The following TERF2 variants were observed in gnomAD, a reference collection of about 807,000 sequenced individuals.
TERF2 encodes the protein telomeric repeat-binding factor 2.
In TERF2, 16 loss-of-function variants were observed where a neutral mutation model predicts 56.1. That is an observed-to-expected ratio of 0.29 (90% CI 0.19 to 0.43). The LOEUF is 0.43. Ranked by LOEUF, TERF2 falls within the 20% of genes least tolerant of loss-of-function variation. TERF2 has a pLI of 1.00. For missense variants in TERF2, 547 were observed against 712.9 expected (o/e 0.77, Z 2.65); for synonymous variants, 296 against 282.1 (o/e 1.05, Z -0.50).
chr16:69,372,063 T>G (rs1037500392), intron 4 of TERF2, among the ~76,000 whole-genome samples: 1 of 152,248 alleles, frequency 6.6e-6, no homozygotes. Context: ...GAATAATTTA[T>G]GTCAATTTCT....
At chr16:69,368,741 A>G in intron 5 of TERF2, 1 of 730,724 alleles carries the variant, frequency 1.4e-6, no homozygotes, top group Non-Finnish European at 2.1e-6. Context: ...CAGTGGTGCA[A>G]TCTCGGCTCA....
Position 69,385,989 on chromosome 16 carries a change from G to A in TERF2, c.-18C>T. ...GCGGCCATGATAGAAACAGCGTTCC[G>A]AGCCGCCCGCGGGCTTCTGGGAGGG... On this transcript the variant is annotated 5_prime_UTR_variant, in exon 1 of 10. Transcript: ENST00000254942. The A allele has an allele frequency of 7.6e-7, 1 of 1,313,368 alleles. No individual in the cohort carries two copies. The highest frequency in any genetic ancestry group is 3.1e-5 in the East Asian group (1 of 31,860). 81.4% of individuals were successfully genotyped at this position (1,313,368 alleles called of 1,614,324 possible). A position where few individuals can be genotyped will look rare whatever the true frequency, so the allele number is the denominator to read the frequency against.
At chr16:69,358,862 C>T (rs749313563) in intron 8 of TERF2, among the ~76,000 whole-genome samples, 3 of 152,146 alleles carry the variant, frequency 2.0e-5, no homozygotes, top group Non-Finnish European at 2.9e-5. Flanking sequence ...TTAATCTTAC[C>T]GATTACTATT....
intron 7 of TERF2, chr16:69,366,550 C>A: frequency 2.2e-6 from 1 of 454,730 alleles, no homozygotes; most frequent in Middle Eastern, 5.8e-4. Context: ...ATGAAAGCAG[C>A]GATGAGTAGG....
chr16:69,385,261 C>G, intron 2 of TERF2, 130 bp downstream of exon 2: 1 of 752,602 alleles, frequency 1.3e-6, no homozygotes, highest in Middle Eastern at 2.4e-4. Flanking sequence ...ACAGACCCAT[C>G]GTAGAATGAA....
At chr16:69,385,508 G>C (rs753658253) in intron 1 of TERF2, 22 bp from the exon 2 acceptor site, 2 of 1,613,196 alleles carry the variant, frequency 1.2e-6, no homozygotes, top group Non-Finnish European at 1.7e-6. Context: ...GACATCGTTG[G>C]CTGGGCGACC....
chr16:69,357,272 A>G (rs924042534), intron 9 of TERF2, among the ~76,000 whole-genome samples: 1 of 152,200 alleles, frequency 6.6e-6, no homozygotes, highest in Non-Finnish European at 1.5e-5. Context: ...CTCAAGTAAC[A>G]ATCACTTCTG....
At position 69,385,873 on chromosome 16, in the gene TERF2, G is replaced by T; in HGVS notation, c.99C>A (p.Gly33=). ...TGTCCGATCGCCGCGCGCCCTCCCC[G>T]CCCTCCCGGCCGGGCCGCTTCCTCG... ...SQPRKRPGRE[G]GEGARRSDTM... Residue 33 remains glycine (G), a synonymous_variant, in exon 1 of 10, where the codon GGC becomes GGA. Coordinates refer to ENST00000254942, the MANE Select transcript of TERF2 (RefSeq NM_005652.5). The T allele has an allele frequency of 7.3e-7, 1 of 1,369,458 alleles. No individual in the cohort carries two copies. The highest frequency in any genetic ancestry group is 9.4e-7 in the Non-Finnish European group (1 of 1,059,270). 84.8% of individuals were successfully genotyped at this position (1,369,458 alleles called of 1,614,324 possible). A position where few individuals can be genotyped will look rare whatever the true frequency, so the allele number is the denominator to read the frequency against.
intron 7 of TERF2, 49 bp downstream of exon 7, chr16:69,366,758 C>G (rs768158921): frequency 6.4e-7 from 1 of 1,558,534 alleles, no homozygotes; most frequent in Non-Finnish European, 8.7e-7. Context: ...CCAGGCCCAA[C>G]CAGGACCACC....
chr16:69,384,563 T>TA lies in TERF2; in HGVS notation c.606+16dup, dbSNP rs2014119530. 1 of 1,608,436 alleles carries TA rather than the reference T, an allele frequency of 6.2e-7. No homozygotes were observed. The highest frequency in any genetic ancestry group is 1.3e-5 in the African/African-American group (1 of 74,342). On this transcript the variant is annotated intron_variant, in intron 3 of 9. Coordinates refer to ENST00000254942, the MANE Select transcript of TERF2 (RefSeq NM_005652.5). Reference sequence around the variant, plus strand: ...GATTTTTGGTCAAAGAAAAAAGATATAAAAATAGAGCCTTACAGCTTCCTT... The same window carrying TA: ...GATTTTTGGTCAAAGAAAAAAGATATAAAAAATAGAGCCTTACAGCTTCCTT...
chr16:69,359,074 C>T (rs951166264), intron 8 of TERF2, among the ~76,000 whole-genome samples: 1 of 152,118 alleles, frequency 6.6e-6, no homozygotes, highest in African/African-American at 2.4e-5. Context: ...TGTCACTAGG[C>T]GATATGAATT....
At chr16:69,368,280 G>A (rs2013426874) in intron 6 of TERF2, 96 bp downstream of exon 6, 1 of 1,114,736 alleles carries the variant, frequency 9.0e-7, no homozygotes, top group Middle Eastern at 2.9e-4. Flanking sequence ...TAGTAGGTCG[G>A]AGTGCTGAGA....
intron 5 of TERF2, 172 bp from the exon 6 acceptor site, chr16:69,368,654 CT>C: frequency 3.3e-6 from 5 of 1,503,064 alleles, no homozygotes; most frequent in South Asian, 1.2e-5. Context: ...ATAAATCAAG[CT>C]TTTTTTATTC....
chr16:69,378,424 G>A (rs1331224993), intron 3 of TERF2, among the ~76,000 whole-genome samples: 1 of 152,188 alleles, frequency 6.6e-6, no homozygotes, highest in African/African-American at 2.4e-5. Context: ...GCTGCCACCA[G>A]GATAGTATTG....
intron 4 of TERF2, 46 bp downstream of exon 4, chr16:69,372,223 A>G: frequency 7.3e-7 from 1 of 1,364,992 alleles, no homozygotes; most frequent in Non-Finnish European, 1.0e-6. Flanking sequence ...CACAAAAAGC[A>G]ATGAGATGAA....
chr16:69,381,729 C>T (rs1012178652), intron 3 of TERF2, among the ~76,000 whole-genome samples: 1 of 152,100 alleles, frequency 6.6e-6, no homozygotes, highest in South Asian at 2.1e-4. Flanking sequence ...GATCCACTCA[C>T]GTCAGCCTCC....
rs2012875964 is a variant in TERF2 at position 69,355,801 on chromosome 16, A to G, written c.*1097T>C. 6.1e-6 allele frequency: 1 copy of G among 163,178 alleles called. No individual in the cohort carries two copies. Among genetic ancestry groups the G allele is most frequent in the Non-Finnish European group, 1.3e-5 (1 of 74,272 alleles). 10.1% of individuals were successfully genotyped at this position (163,178 alleles called of 1,614,324 possible). On this transcript the variant is annotated 3_prime_UTR_variant, in exon 10 of 10. Coordinates refer to ENST00000254942, the MANE Select transcript of TERF2 (RefSeq NM_005652.5). ...ATTAGGGAATCAGGAGGAAGCAACCATTTCACAAAGAATGAAATTAGGCAT... is the reference window on the plus strand; with the variant it reads ...ATTAGGGAATCAGGAGGAAGCAACCGTTTCACAAAGAATGAAATTAGGCAT...
At position 69,384,649 on chromosome 16, in the gene TERF2, C is replaced by G. The variant is rs1370008082; in HGVS notation, c.537G>C (p.Glu179Asp). 4 of 1,614,050 alleles carry G rather than the reference C, an allele frequency of 2.5e-6. No homozygotes were observed. In the African/African-American group the frequency reaches 5.3e-5, roughly 22 times the overall value. ...TPLESAINVL[E>D]MIKTEFTLTE... ...TCAGTGTAAATTCCGTTTTAATCAT[C>G]TCCAGCACATTGATAGCTGATTCCA... The change falls in exon 3 of 10, where the codon GAG (glutamate) becomes GAC (aspartate). Residue 179 changes from glutamate to aspartate, a missense_variant. Transcript: ENST00000254942.
chr16:69,385,569 C>CCCCGCCCCCCGCCCCG, intron 1 of TERF2, 24 bp downstream of exon 1: 1 of 1,580,324 alleles, frequency 6.3e-7, no homozygotes, highest in Non-Finnish European at 8.7e-7. Flanking sequence ...CGCTCCAACC[C>CCCCGCCCCCCGCCCCG]CCCTCCCCCG....
Sources: allele counts gnomAD v4.1 joint callset (sites outside exome capture counted in the v4.1 genomes callset), GRCh38; gene constraint gnomAD v4.1.1; transcripts MANE v1.5; gene names NCBI Gene and HGNC (gene_info 2026-07-23, HGNC 2026-07-21).